The following UBAC2 variants were observed in gnomAD, a reference collection of about 807,000 sequenced individuals.
UBAC2 encodes ubiquitin-associated domain-containing protein 2.
UBAC2 carries 26 observed loss-of-function variants against 44.0 expected under a neutral mutation model. The observed-to-expected ratio is 0.59, with a 90% CI of 0.43 to 0.82. The LOEUF (loss-of-function observed/expected upper bound fraction) is 0.82. Ranked by LOEUF, UBAC2 falls within the 40% of genes least tolerant of loss-of-function variation. UBAC2 has a pLI of 0.00. For synonymous variants in UBAC2, 155 were observed against 154.3 expected (o/e 1.00, Z -0.04); for missense variants, 329 against 419.4 (o/e 0.78, Z 1.88).
At chr13:99,210,564 G>A (rs1161775465) in intron 1 of UBAC2, among the ~76,000 whole-genome samples, 1 of 143,294 alleles carries the variant, frequency 7.0e-6, no homozygotes, top group South Asian at 2.3e-4. Flanking sequence ...TGCAACCTCC[G>A]CCTCCTGGGT....
rs2044156917 is a variant in UBAC2 at position 99,295,514 on chromosome 13, A to G, written c.390-18583A>G. On this transcript the variant is annotated intron_variant, in intron 4 of 8. Transcript: ENST00000403766. This position sits in a 1 kb window ranked among gnomAD's most constrained non-coding sequence, Gnocchi z 4.1. ...GATCTGAGAATAGCAGATGAGAATG[A>G]TTATAAGTGGAAGTACATATCCTAT... 6.2e-7 allele frequency: 1 copy of G among 1,613,990 alleles called. No individual in the cohort carries two copies. The highest frequency in any genetic ancestry group is 8.5e-7 in the Non-Finnish European group (1 of 1,180,016).
In UBAC2 at chr13:99,287,643, C is replaced by CTTTTT. The variant is rs11304203; in HGVS notation, c.390-26437_390-26433dup. Among the ~76,000 whole-genome samples the CTTTTT allele has an allele frequency of 3.9e-3, 367 of 95,028 alleles. 1 individual carries two copies. The highest frequency in any genetic ancestry group is 5.1e-3 in the South Asian group (13 of 2,532). 62.3% of individuals were successfully genotyped at this position (95,028 alleles called of 152,430 possible). On this transcript the variant is annotated intron_variant, in intron 4 of 8. Transcript: ENST00000403766. ...TTTCTTTCTTCTTTTTTTTTTCTTT[C>CTTTTT]TTTTTTTTTTTTTTTTTTTTTGGTA...
At chr13:99,345,615 C>T (rs1237511758) in intron 7 of UBAC2, among the ~76,000 whole-genome samples, 1 of 152,144 alleles carries the variant, frequency 6.6e-6, no homozygotes, top group Non-Finnish European at 1.5e-5. Flanking sequence ...CCATGAGTCC[C>T]TCAAGATCTA....
intron 1 of UBAC2, among the ~76,000 whole-genome samples, chr13:99,217,286 A>G (rs1028537753): frequency 1.3e-5 from 2 of 152,078 alleles, no homozygotes; most frequent in African/African-American, 4.8e-5. Flanking sequence ...AGAAGCCCAA[A>G]CTTGCAAGGG....
At chr13:99,337,672 C>A (rs1054015913) in intron 6 of UBAC2, among the ~76,000 whole-genome samples, 4 of 152,152 alleles carry the variant, frequency 2.6e-5, no homozygotes, top group African/African-American at 9.7e-5. Context: ...TCTTCTGGAA[C>A]CCCTATGCTG....
chr13:99,277,252 G>A (rs181091314), intron 4 of UBAC2, among the ~76,000 whole-genome samples: 1 of 152,282 alleles, frequency 6.6e-6, no homozygotes, highest in Admixed American at 6.5e-5. Flanking sequence ...AAGGCCAGGT[G>A]CAGTGGCTCA....
At chr13:99,328,053 T>G in intron 6 of UBAC2, among the ~76,000 whole-genome samples, 1 of 152,210 alleles carries the variant, frequency 6.6e-6, no homozygotes, top group East Asian at 1.9e-4. Flanking sequence ...CTTCATGTAA[T>G]TATAGTTTTG....
chr13:99,227,764 G>A (rs949744780), intron 1 of UBAC2, among the ~76,000 whole-genome samples: 1 of 152,180 alleles, frequency 6.6e-6, no homozygotes, highest in African/African-American at 2.4e-5. Flanking sequence ...CTAGAATAAT[G>A]CATGGTACAG....
rs2044161860 is a variant in UBAC2, at chr13:99,295,770, T to C, written c.390-18327T>C. On this transcript the variant is annotated intron_variant, in intron 4 of 8. Coordinates refer to ENST00000403766, the MANE Select transcript of UBAC2 (RefSeq NM_001144072.2). The surrounding 1 kb of genome is among the most constrained non-coding windows in gnomAD (Gnocchi z 4.1). ...ACCACAGCAATGAAGCGGTCAATAC[T>C]CAGGCAGGTCATAAAGTTCACACCT... 4 of 1,614,042 alleles carry C rather than the reference T, an allele frequency of 2.5e-6. No homozygotes were observed. The highest frequency in any genetic ancestry group is 3.4e-6 in the Non-Finnish European group (4 of 1,179,930).
chr13:99,251,130 A>G (rs1172070605), intron 4 of UBAC2, among the ~76,000 whole-genome samples: 1 of 151,858 alleles, frequency 6.6e-6, no homozygotes, highest in Non-Finnish European at 1.5e-5. Flanking sequence ...ATTCCTAGGT[A>G]TCTTTTTGTG....
intron 4 of UBAC2, chr13:99,258,678 A>G (rs1027445673): frequency 6.6e-6 from 1 of 152,172 alleles, no homozygotes; most frequent in African/African-American, 2.4e-5. Flanking sequence ...CTAGTTACCT[A>G]CCCACTCTGA....
At chr13:99,372,799 T>A (rs1224843544) in intron 8 of UBAC2, 1 of 152,110 alleles carries the variant, frequency 6.6e-6, no homozygotes, top group Non-Finnish European at 1.5e-5. Context: ...TCAAATACGC[T>A]CAATGTCTGC....
chr13:99,309,601 T>C (rs1016580899), intron 4 of UBAC2, among the ~76,000 whole-genome samples: 3 of 152,094 alleles, frequency 2.0e-5, no homozygotes, highest in African/African-American at 7.2e-5. Flanking sequence ...CTTTACAGTT[T>C]TTTTGTTTGT....
At chr13:99,277,025 G>T (rs952671678) in intron 4 of UBAC2, among the ~76,000 whole-genome samples, 1 of 152,118 alleles carries the variant, frequency 6.6e-6, no homozygotes, top group African/African-American at 2.4e-5. Flanking sequence ...CACCACTGGT[G>T]GCTTAGTATT....
intron 2 of UBAC2, among the ~76,000 whole-genome samples, chr13:99,239,611 C>G (rs963663706): frequency 6.6e-6 from 1 of 152,186 alleles, no homozygotes; most frequent in Non-Finnish European, 1.5e-5. Flanking sequence ...TTCCTAATTT[C>G]TGGAGTTAAT....
chr13:99,216,522 A>G (rs1035123737), intron 1 of UBAC2, among the ~76,000 whole-genome samples: 3 of 152,252 alleles, frequency 2.0e-5, no homozygotes, highest in African/African-American at 7.2e-5. Flanking sequence ...GGTGATTTAA[A>G]GAAAAATATT....
intron 4 of UBAC2, among the ~76,000 whole-genome samples, chr13:99,245,758 C>T (rs2043375895): frequency 6.6e-6 from 1 of 152,158 alleles, no homozygotes; most frequent in Non-Finnish European, 1.5e-5. Context: ...TCACTTGAAC[C>T]CGGGAGGCAG....
At chr13:99,249,036 A>G (rs555927206) in intron 4 of UBAC2, among the ~76,000 whole-genome samples, 1 of 152,130 alleles carries the variant, frequency 6.6e-6, no homozygotes, top group African/African-American at 2.4e-5. Context: ...TGAAATTTCA[A>G]CTTTCAGATT....
chr13:99,368,012 T>G (rs1265763388), intron 8 of UBAC2, 106 bp downstream of exon 8: 1 of 1,374,664 alleles, frequency 7.3e-7, no homozygotes, highest in Non-Finnish European at 9.9e-7. Context: ...AATACAAAGA[T>G]GGTGACAGCA....
Sources: allele counts gnomAD v4.1 joint callset (sites outside exome capture counted in the v4.1 genomes callset), GRCh38; gene constraint gnomAD v4.1.1; non-coding constraint Gnocchi (gnomAD v3.1); transcripts MANE v1.5; gene names NCBI Gene and HGNC (gene_info 2026-07-23, HGNC 2026-07-21).